The following DPP10 variants were observed in gnomAD, a reference collection of about 807,000 sequenced individuals.
DPP10 encodes the protein dipeptidyl peptidase like 10.
In DPP10, 33 loss-of-function variants were observed where a neutral mutation model predicts 120.9. That is an observed-to-expected ratio of 0.27 (90% CI 0.21 to 0.37). DPP10 has a LOEUF of 0.37. Among genes scored for constraint, DPP10 ranks in the 10% least tolerant of loss-of-function variants. The probability of loss-of-function intolerance (pLI) is 1.00; values close to 1 mark genes in which losing one functional copy is unlikely to be tolerated. For missense variants in DPP10, 816 were observed against 942.8 expected (o/e 0.87, Z 1.76); for synonymous variants, 337 against 326.1 (o/e 1.03, Z -0.36).
chr2:114,584,448 G>T (rs530212163), intron 1 of DPP10, among the ~76,000 whole-genome samples: 100 of 151,874 alleles, frequency 6.6e-4, no homozygotes, highest in African/African-American at 2.2e-3. Context: ...ACAATGTGCA[G>T]GTTAGTTACA....
At chr2:115,032,043 G>A (rs540955118) in intron 1 of DPP10, among the ~76,000 whole-genome samples, 111 of 152,132 alleles carry the variant, frequency 7.3e-4, no homozygotes, top group African/African-American at 2.6e-3. Flanking sequence ...ATCAATACAT[G>A]AGAAAAAAAT....
chr2:114,925,163 A>G (rs997670484), intron 1 of DPP10, among the ~76,000 whole-genome samples: 2 of 146,944 alleles, frequency 1.4e-5, no homozygotes, highest in Non-Finnish European at 3.0e-5. Flanking sequence ...GTGAGCCGAG[A>G]TCATGCCACT....
intron 1 of DPP10, among the ~76,000 whole-genome samples, chr2:114,748,501 C>G (rs1678860607): frequency 7.2e-6 from 1 of 139,356 alleles, no homozygotes; most frequent in African/African-American, 2.7e-5. Context: ...GCACTGCACC[C>G]ACTAACTCGT....
chr2:115,738,776 C>T (rs998946880), intron 8 of DPP10, among the ~76,000 whole-genome samples: 15 of 152,198 alleles, frequency 9.9e-5, no homozygotes, highest in Admixed American at 4.6e-4. Context: ...TTGAGGGTCT[C>T]TTCTGAGTCT....
chr2:115,069,911 G>A (rs185154119), intron 1 of DPP10, among the ~76,000 whole-genome samples: 76 of 151,532 alleles, frequency 5.0e-4, no homozygotes, highest in African/African-American at 1.5e-3. Flanking sequence ...AACATTTAGC[G>A]TAAAAGCATT....
At chr2:115,748,942 A>G (rs1391116567) in intron 10 of DPP10, among the ~76,000 whole-genome samples, 2 of 152,150 alleles carry the variant, frequency 1.3e-5, no homozygotes, top group South Asian at 2.1e-4. Flanking sequence ...CTTTTCCTCA[A>G]TAATAATTCA....
intron 19 of DPP10, 123 bp downstream of exon 19, chr2:115,791,479 T>A: frequency 1.2e-6 from 1 of 810,334 alleles, no homozygotes; most frequent in Non-Finnish European, 1.9e-6. Context: ...TCAGGACAGC[T>A]GTCTGTTGTC....
Position 115,724,410 on chromosome 2 carries a change from A to G in DPP10, c.577-3406A>G, listed in dbSNP as rs114712019. 8.5e-3 allele frequency among the ~76,000 whole-genome samples: 1,290 copies of G among 152,308 alleles called. 16 individuals are homozygous for G. Among genetic ancestry groups the G allele is most frequent in the African/African-American group, 0.03 (1,242 of 41,580 alleles). On this transcript the variant is annotated intron_variant, in intron 7 of 25. Coordinates refer to ENST00000410059, the MANE Select transcript of DPP10 (RefSeq NM_020868.6). ...CCAGCAGTGATGTATATTGGGTCCAATCATTTGTTAATGAGCAACATTGAC... is the reference window on the plus strand; with the variant it reads ...CCAGCAGTGATGTATATTGGGTCCAGTCATTTGTTAATGAGCAACATTGAC...
chr2:114,542,348 G>A (rs751755429), intron 1 of DPP10, among the ~76,000 whole-genome samples: 6 of 151,934 alleles, frequency 3.9e-5, no homozygotes, highest in Non-Finnish European at 7.4e-5. Flanking sequence ...GTGCCTGGCC[G>A]AATATCTTTA....
chr2:115,659,348 A>C (rs1008127472), intron 5 of DPP10, among the ~76,000 whole-genome samples: 2 of 151,806 alleles, frequency 1.3e-5, no homozygotes, highest in Admixed American at 1.3e-4. Context: ...TTTCCTACCA[A>C]CCTCTCATGT....
At chr2:115,629,610 T>C (rs2085668912) in intron 5 of DPP10, among the ~76,000 whole-genome samples, 1 of 152,216 alleles carries the variant, frequency 6.6e-6, no homozygotes. Context: ...CATAAATGTC[T>C]TCTTTTGAGA....
chr2:114,926,919 C>T (rs550545727), intron 1 of DPP10, among the ~76,000 whole-genome samples: 76 of 148,044 alleles, frequency 5.1e-4, no homozygotes, highest in African/African-American at 1.6e-3. Context: ...GGTGCGATCT[C>T]GGCTCTCTGC....
intron 5 of DPP10, among the ~76,000 whole-genome samples, chr2:115,594,195 C>G (rs567932903): frequency 6.6e-6 from 1 of 152,092 alleles, no homozygotes; most frequent in East Asian, 1.9e-4. Flanking sequence ...CCAGCTGAAG[C>G]CATGCTAAAT....
At chr2:115,158,040 C>T (rs1330359975) in intron 1 of DPP10, among the ~76,000 whole-genome samples, 2 of 152,178 alleles carry the variant, frequency 1.3e-5, no homozygotes, top group Non-Finnish European at 2.9e-5. Context: ...GGGTATCCTA[C>T]TTCAGAAAAT....
At chr2:115,326,753 T>A (rs1336542329) in intron 2 of DPP10, among the ~76,000 whole-genome samples, 1 of 152,048 alleles carries the variant, frequency 6.6e-6, no homozygotes, top group Non-Finnish European at 1.5e-5. Flanking sequence ...GGTTATGCAA[T>A]AAGGACATAA....
At chr2:115,254,941 C>T (rs560859302) in intron 1 of DPP10, among the ~76,000 whole-genome samples, 5 of 152,240 alleles carry the variant, frequency 3.3e-5, no homozygotes, top group South Asian at 2.1e-4. Flanking sequence ...TTACAGGTGC[C>T]CAGTTCAAGC....
At chr2:115,489,982 C>T (rs1284535727) in intron 3 of DPP10, among the ~76,000 whole-genome samples, 5 of 152,144 alleles carry the variant, frequency 3.3e-5, no homozygotes, top group Non-Finnish European at 7.4e-5. Flanking sequence ...TTTCTTCTGA[C>T]TTCAAATATT....
chr2:115,334,488 T>G (rs930236873), intron 2 of DPP10, among the ~76,000 whole-genome samples: 71 of 151,792 alleles, frequency 4.7e-4, no homozygotes, highest in Admixed American at 1.5e-3. Flanking sequence ...AACTATAGAT[T>G]ATTATTTTTC....
intron 7 of DPP10, among the ~76,000 whole-genome samples, chr2:115,692,905 C>T (rs957652659): frequency 6.6e-6 from 1 of 152,082 alleles, no homozygotes; most frequent in Non-Finnish European, 1.5e-5. Context: ...GAGAAGCCTA[C>T]AGAATAATAC....
Sources: allele counts gnomAD v4.1 joint callset (sites outside exome capture counted in the v4.1 genomes callset), GRCh38; gene constraint gnomAD v4.1.1; transcripts MANE v1.5; gene names NCBI Gene and HGNC (gene_info 2026-07-23, HGNC 2026-07-21).